CACNA2D1: variants seen among roughly 807,000 people sequenced by gnomAD.
The protein encoded by CACNA2D1 is voltage-dependent calcium channel subunit alpha-2/delta-1.
In CACNA2D1, 53 loss-of-function variants were observed where a neutral mutation model predicts 171.5. The observed-to-expected ratio is 0.31, with a 90% CI of 0.25 to 0.39. CACNA2D1 has a LOEUF of 0.39. Among genes scored for constraint, CACNA2D1 ranks in the 10% least tolerant of loss-of-function variants. The pLI is 1.00. For missense variants in CACNA2D1, 903 were observed against 1,299.8 expected (o/e 0.69, Z 4.69); for synonymous variants, 442 against 443.1 (o/e 1.00, Z 0.03).
Position 82,423,328 on chromosome 7 carries a change from C to A in CACNA2D1, c.95+20037G>T, listed in dbSNP as rs144173930. 3.4e-3 allele frequency among the ~76,000 whole-genome samples: 513 copies of A among 152,242 alleles called. 8 individuals carry two copies. The highest frequency in any genetic ancestry group is 0.011 in the African/African-American group (478 of 41,568). ...AAATCTTTGTGGATTAACAATTTTA[C>A]ATACATCTGCTTCTTGACTATATAC... On this transcript the variant is annotated intron_variant, in intron 1 of 38. Coordinates refer to ENST00000356860, the MANE Select transcript of CACNA2D1 (RefSeq NM_000722.4).
intron 1 of CACNA2D1, among the ~76,000 whole-genome samples, chr7:82,361,191 A>G (rs1366560558): frequency 4.6e-5 from 7 of 152,194 alleles, no homozygotes; most frequent in African/African-American, 1.7e-4. Flanking sequence ...TGAACATTCT[A>G]AACAGAAGAT....
chr7:82,052,434 T>C (rs1805297109), intron 10 of CACNA2D1, among the ~76,000 whole-genome samples: 1 of 152,160 alleles, frequency 6.6e-6, no homozygotes, highest in South Asian at 2.1e-4. Flanking sequence ...TCCATATCAG[T>C]AAATTGTTAA....
intron 6 of CACNA2D1, among the ~76,000 whole-genome samples, chr7:82,114,286 T>A (rs2129051290): frequency 6.6e-6 from 1 of 152,266 alleles, no homozygotes; most frequent in South Asian, 2.1e-4. Context: ...TATAAAGTGA[T>A]TTCAACTCAG....
intron 3 of CACNA2D1, among the ~76,000 whole-genome samples, chr7:82,290,032 G>A (rs1253057137): frequency 6.6e-6 from 1 of 152,162 alleles, no homozygotes; most frequent in African/African-American, 2.4e-5. Context: ...ACAAATTAAA[G>A]CAGAGAGAGG....
intron 11 of CACNA2D1, among the ~76,000 whole-genome samples, chr7:82,034,401 A>T (rs903355726): frequency 5.9e-5 from 9 of 152,102 alleles, no homozygotes; most frequent in African/African-American, 1.9e-4. Context: ...TAATGAAAAG[A>T]TCCTGTTTCA....
intron 7 of CACNA2D1, among the ~76,000 whole-genome samples, chr7:82,066,725 G>T (rs1243839822): frequency 6.6e-6 from 1 of 152,042 alleles, no homozygotes; most frequent in Non-Finnish European, 1.5e-5. Context: ...GGAAATCAAT[G>T]ATAGTCGATT....
At chr7:82,145,585 TTA>T (rs1490249812) in intron 4 of CACNA2D1, among the ~76,000 whole-genome samples, 2 of 139,154 alleles carry the variant, frequency 1.4e-5, no homozygotes, top group African/African-American at 5.3e-5. Flanking sequence ...CATATAAAAT[TTA>T]TATATGTAAT....
At chr7:82,287,791 A>C (rs1439469846) in intron 3 of CACNA2D1, among the ~76,000 whole-genome samples, 1 of 152,080 alleles carries the variant, frequency 6.6e-6, no homozygotes, top group Non-Finnish European at 1.5e-5. Flanking sequence ...AAAAGTATAA[A>C]GCTCTGAGAG....
chr7:82,167,133 A>G (rs897776634), intron 4 of CACNA2D1, among the ~76,000 whole-genome samples: 1 of 152,130 alleles, frequency 6.6e-6, no homozygotes, highest in Non-Finnish European at 1.5e-5. Context: ...TTATTAAAGG[A>G]TGGCATTAAA....
intron 10 of CACNA2D1, among the ~76,000 whole-genome samples, chr7:82,059,548 C>T (rs931233678): frequency 3.3e-5 from 5 of 151,924 alleles, no homozygotes; most frequent in Admixed American, 6.6e-5. Context: ...CAACGGTGTC[C>T]GTGAGTAAAG....
chr7:82,302,538 C>G (rs755553783), intron 3 of CACNA2D1, among the ~76,000 whole-genome samples: 11 of 151,908 alleles, frequency 7.2e-5, no homozygotes, highest in Non-Finnish European at 1.5e-4. Flanking sequence ...CCTCAGCCTC[C>G]CCAGTAGCTG....
chr7:82,035,875 G>C (rs965334088), intron 11 of CACNA2D1, among the ~76,000 whole-genome samples: 1 of 152,026 alleles, frequency 6.6e-6, no homozygotes. Context: ...TTGTAGTTTT[G>C]AGCTTTTAAT....
chr7:82,022,437 A>G (rs37143), intron 12 of CACNA2D1, among the ~76,000 whole-genome samples: 3,095 of 152,052 alleles, frequency 0.02, 97 homozygotes, highest in African/African-American at 0.069. Context: ...ATCTGAAACA[A>G]AAGTTTTTAG....
At chr7:82,401,036 C>T (rs1416246047) in intron 1 of CACNA2D1, among the ~76,000 whole-genome samples, 2 of 152,076 alleles carry the variant, frequency 1.3e-5, no homozygotes, top group African/African-American at 2.4e-5. Flanking sequence ...GAATGGCAAT[C>T]GTTAAAAAGT....
At position 82,245,332 on chromosome 7, in the gene CACNA2D1, G is replaced by A. The variant is rs190966980; in HGVS notation, c.295-74723C>T. On this transcript the variant is annotated intron_variant, in intron 3 of 38. Transcript: ENST00000356860. ...TTGGGCTTACAGCTTACTCTGCCCTGCACTGATGCATAATTTGCTTTGGTC... is the reference window on the plus strand; with the variant it reads ...TTGGGCTTACAGCTTACTCTGCCCTACACTGATGCATAATTTGCTTTGGTC... Among the ~76,000 whole-genome samples, 361 of 152,242 alleles carry A rather than the reference G, an allele frequency of 2.4e-3. 2 individuals are homozygous for A. The highest frequency in any genetic ancestry group is 5.0e-3 in the South Asian group (24 of 4,822).
rs149845743 is a variant in CACNA2D1 at position 82,128,504 on chromosome 7, G to A, written c.396+8131C>T. Among the ~76,000 whole-genome samples, 568 of 152,118 alleles carry A rather than the reference G, an allele frequency of 3.7e-3. 3 individuals are homozygous for A. The highest frequency in any genetic ancestry group is 0.012 in the African/African-American group (517 of 41,500). On this transcript the variant is annotated intron_variant, in intron 5 of 38. Transcript: ENST00000356860. Reference sequence around the variant, plus strand: ...AACTTTCCCACAAACTGACTAATTCGGATGCAGCTAATAGAAAGCTTTCAC... The same window carrying A: ...AACTTTCCCACAAACTGACTAATTCAGATGCAGCTAATAGAAAGCTTTCAC...
intron 4 of CACNA2D1, among the ~76,000 whole-genome samples, chr7:82,149,360 G>T (rs576467512): frequency 3.3e-5 from 5 of 152,076 alleles, no homozygotes; most frequent in Middle Eastern, 3.2e-3. Flanking sequence ...ATTTATTTGG[G>T]AGGTGATCCC....
chr7:82,051,664 C>CA (rs1805211585), intron 10 of CACNA2D1, among the ~76,000 whole-genome samples: 1 of 152,142 alleles, frequency 6.6e-6, no homozygotes, highest in Non-Finnish European at 1.5e-5. Flanking sequence ...ATATTGTCTG[C>CA]AATCCATATA....
intron 24 of CACNA2D1, among the ~76,000 whole-genome samples, chr7:81,979,216 T>G (rs1028094745): frequency 1.3e-5 from 2 of 152,022 alleles, no homozygotes; most frequent in Non-Finnish European, 2.9e-5. Flanking sequence ...GGTTACAGAT[T>G]TTCTCTTTAT....
Sources: gnomAD v4.1 joint callset for allele counts (sites outside exome capture counted in the v4.1 genomes callset) on GRCh38, gnomAD v4.1.1 for gene constraint, MANE v1.5 for transcripts, NCBI Gene and HGNC (gene_info 2026-07-23, HGNC 2026-07-21) for gene names.